TMEM163: variants seen among roughly 807,000 people sequenced by gnomAD.
TMEM163 encodes the protein transmembrane protein 163.
TMEM163 carries 17 observed loss-of-function variants against 29.3 expected under a neutral mutation model. The observed-to-expected ratio is 0.58, with a 90% confidence interval of 0.40 to 0.87. TMEM163 has a LOEUF of 0.87. Among genes scored for constraint, TMEM163 ranks in the 40% least tolerant of loss-of-function variants. TMEM163 has a pLI of 0.00. For synonymous variants in TMEM163, 157 were observed against 160.6 expected (o/e 0.98, Z 0.17); for missense variants, 303 against 381.5 (o/e 0.79, Z 1.71).
chr2:134,541,813 C>T (rs933687920), intron 4 of TMEM163, among the ~76,000 whole-genome samples: 7 of 151,718 alleles, frequency 4.6e-5, no homozygotes, highest in African/African-American at 7.3e-5. Flanking sequence ...TACACACACA[C>T]GGAGCATACA....
At chr2:134,697,752 C>T (rs1684613403) in intron 2 of TMEM163, among the ~76,000 whole-genome samples, 1 of 152,062 alleles carries the variant, frequency 6.6e-6, no homozygotes, top group South Asian at 2.1e-4. Context: ...ATCCTAGATT[C>T]CAAAAATAAA....
At chr2:134,626,122 T>TTTAA (rs1682844788) in intron 2 of TMEM163, among the ~76,000 whole-genome samples, 1 of 109,974 alleles carries the variant, frequency 9.1e-6, no homozygotes, top group Non-Finnish European at 1.9e-5. Context: ...TTTTTTTTTT[T>TTTAA]GACACAGAGT....
intron 2 of TMEM163, among the ~76,000 whole-genome samples, chr2:134,619,994 C>A (rs182310930): frequency 1.3e-5 from 2 of 152,082 alleles, no homozygotes; most frequent in African/African-American, 4.8e-5. Flanking sequence ...GACTCGTACA[C>A]TAGAAACTAT....
At chr2:134,622,799 G>A (rs1178860534) in intron 2 of TMEM163, among the ~76,000 whole-genome samples, 1 of 151,940 alleles carries the variant, frequency 6.6e-6, no homozygotes, top group African/African-American at 2.4e-5. Flanking sequence ...TTTTGCTCTT[G>A]TTGCCCAGAC....
rs1684309102 is a variant in TMEM163, at chr2:134,684,303, A to G, written c.322+28897T>C. 2.6e-5 allele frequency among the ~76,000 whole-genome samples: 4 copies of G among 152,270 alleles called. No homozygotes were observed. The South Asian group carries it at 8.3e-4, about 32-fold the overall frequency. ...ATAAACCTTACCATCGAGAGGCTTC[A>G]CTAGTGAAGGTTACAGACGTACCCA... On this transcript the variant is annotated intron_variant, in intron 2 of 7. Coordinates refer to ENST00000281924, the MANE Select transcript of TMEM163 (RefSeq NM_030923.5).
At chr2:134,548,566 T>C (rs1428850146) in intron 4 of TMEM163, among the ~76,000 whole-genome samples, 1 of 152,198 alleles carries the variant, frequency 6.6e-6, no homozygotes, top group East Asian at 1.9e-4. Flanking sequence ...TTGGGTTGGG[T>C]GCATTAGTTG....
At chr2:134,600,134 T>C (rs1682193219) in intron 2 of TMEM163, among the ~76,000 whole-genome samples, 1 of 152,222 alleles carries the variant, frequency 6.6e-6, no homozygotes, top group Admixed American at 6.5e-5. Context: ...TTGTAATGAA[T>C]GACTACATAA....
At chr2:134,556,806 G>A (rs1253881601) in intron 2 of TMEM163, among the ~76,000 whole-genome samples, 2 of 152,182 alleles carry the variant, frequency 1.3e-5, no homozygotes, top group African/African-American at 2.4e-5. Flanking sequence ...AGGCAACAGA[G>A]GGAGATCCTG....
At chr2:134,623,140 A>C (rs543733448) in intron 2 of TMEM163, among the ~76,000 whole-genome samples, 16 of 152,274 alleles carry the variant, frequency 1.1e-4, no homozygotes, top group South Asian at 1.0e-3. Context: ...GCTATTTTCT[A>C]TCTCTCCCTT....
intron 4 of TMEM163, among the ~76,000 whole-genome samples, chr2:134,547,747 G>A (rs1397867281): frequency 2.0e-5 from 3 of 152,174 alleles, no homozygotes; most frequent in Non-Finnish European, 4.4e-5. Context: ...ATTGTCACGT[G>A]AACAATTACC....
At chr2:134,680,652 T>A (rs527376958) in intron 2 of TMEM163, among the ~76,000 whole-genome samples, 40 of 152,214 alleles carry the variant, frequency 2.6e-4, no homozygotes, top group Non-Finnish European at 5.3e-4. Flanking sequence ...CTTTGTATGT[T>A]GGGCAGTTAC....
At chr2:134,711,035 C>T (rs1684915215) in intron 2 of TMEM163, among the ~76,000 whole-genome samples, 1 of 152,152 alleles carries the variant, frequency 6.6e-6, no homozygotes, top group African/African-American at 2.4e-5. Context: ...TGACACTTTA[C>T]AAAAACCTTT....
intron 2 of TMEM163, among the ~76,000 whole-genome samples, chr2:134,676,355 T>C (rs1223878782): frequency 3.3e-5 from 5 of 152,206 alleles, no homozygotes; most frequent in Non-Finnish European, 5.9e-5. Context: ...CTCATTCCTA[T>C]GGGTAAAGTG....
intron 2 of TMEM163, among the ~76,000 whole-genome samples, chr2:134,598,200 G>T (rs1682134691): frequency 6.6e-6 from 1 of 152,134 alleles, no homozygotes; most frequent in South Asian, 2.1e-4. Flanking sequence ...TGTGTAAAAT[G>T]CCCTGACTGA....
chr2:134,716,607 C>T (rs557614182), intron 1 of TMEM163, among the ~76,000 whole-genome samples: 4 of 152,264 alleles, frequency 2.6e-5, no homozygotes, highest in Admixed American at 6.5e-5. Flanking sequence ...GATGCAGAGA[C>T]ACACGGCAGG....
At chr2:134,516,678 C>CATATATTCATATATATGCATATATTCAT (rs1558930258) in intron 4 of TMEM163, among the ~76,000 whole-genome samples, 3 of 137,544 alleles carry the variant, frequency 2.2e-5, no homozygotes, top group Non-Finnish European at 3.1e-5. Context: ...TATAGTCATA[C>CATATATTCATATATATGCATATATTCAT]ATATATGCAT....
intron 2 of TMEM163, among the ~76,000 whole-genome samples, chr2:134,647,314 A>C (rs1032196402): frequency 1.3e-5 from 2 of 152,190 alleles, no homozygotes; most frequent in Non-Finnish European, 1.5e-5. Context: ...ATCACAAAAG[A>C]AATAGTCTCA....
chr2:134,547,841 G>GTTTCACT (rs1302854048), intron 4 of TMEM163, among the ~76,000 whole-genome samples: 1 of 152,158 alleles, frequency 6.6e-6, no homozygotes, highest in African/African-American at 2.4e-5. Context: ...AACCTGTTTG[G>GTTTCACT]GGGATTATTA....
chr2:134,626,491 T>C (rs1682854188), intron 2 of TMEM163, among the ~76,000 whole-genome samples: 1 of 152,176 alleles, frequency 6.6e-6, no homozygotes, highest in African/African-American at 2.4e-5. Context: ...ATATCACCTC[T>C]TCTGACCTTG....
Sources: gnomAD v4.1 joint callset for allele counts (sites outside exome capture counted in the v4.1 genomes callset) on GRCh38, gnomAD v4.1.1 for gene constraint, MANE v1.5 for transcripts, NCBI Gene and HGNC (gene_info 2026-07-23, HGNC 2026-07-21) for gene names.